PARG: variants seen among roughly 807,000 people sequenced by gnomAD.
The protein encoded by PARG is mitochondrial poly(ADP-ribose) glycohydrolase.
In PARG, 35 loss-of-function variants were observed where a neutral mutation model predicts 113.0. The observed-to-expected ratio is 0.31, with a 90% CI of 0.24 to 0.41. The LOEUF (loss-of-function observed/expected upper bound fraction) is 0.41, where lower values mean the gene tolerates loss of function less well. PARG is among the 10% of genes least tolerant of loss of function. The probability of loss-of-function intolerance (pLI) is 1.00; values close to 1 mark genes in which losing one functional copy is unlikely to be tolerated. For missense variants in PARG, 797 were observed against 1,169.4 expected (o/e 0.68, Z 4.64); for synonymous variants, 330 against 409.9 (o/e 0.81, Z 2.36).
In PARG at chr10:49,941,656, C is replaced by G; in HGVS notation, c.70G>C (p.Ala24Pro). The change falls in exon 1 of 18, where the codon GCT (alanine) becomes CCT (proline). Residue 24 changes from alanine to proline, a missense_variant. This residue lies in a region of PARG where 27 missense variants were observed against 54.3 expected (regional missense o/e 0.50). Coordinates refer to ENST00000616448, the MANE Select transcript of PARG (RefSeq NM_003631.5). ...GGAAAGCTCCGGGCGTCCGAAGCAG[C>G]CGGCGAAGTTGTAGCGGCGCCCCAG... ...PRWGAATTSP[A>P]ASDARSFPSR... is the part of the protein sequence containing the mutation. 4 of 1,597,454 alleles carry G rather than the reference C, an allele frequency of 2.5e-6. No individual in the cohort carries two copies. The South Asian group carries it at 3.4e-5, about 14-fold the overall frequency.
At chr10:49,935,017 A>T (rs1455871726) in intron 2 of PARG, 59 bp downstream of exon 2, 11,606 of 679,470 alleles carry the variant, frequency 0.017, 166 homozygotes, top group Non-Finnish European at 0.02. Context: ...ATATTAAAGC[A>T]ACAAGATAAA....
At chr10:49,829,592 A>C (rs1262895476) in intron 16 of PARG, among the ~76,000 whole-genome samples, 1 of 152,150 alleles carries the variant, frequency 6.6e-6, no homozygotes, top group Admixed American at 6.5e-5. Context: ...GTGTAATCAC[A>C]ACACCAGCCT....
intron 16 of PARG, among the ~76,000 whole-genome samples, chr10:49,825,298 C>G (rs1844297912): frequency 6.6e-6 from 1 of 152,140 alleles, no homozygotes; most frequent in Admixed American, 6.5e-5. Flanking sequence ...TAAATACACT[C>G]TCTCTTCAAG....
chr10:49,940,481 ACTCTATATATCAATTGCACT>A (rs2133017793), intron 1 of PARG, among the ~76,000 whole-genome samples: 1 of 144,760 alleles, frequency 6.9e-6, no homozygotes, highest in Admixed American at 6.9e-5. Flanking sequence ...TCTTGCGTTC[ACTCTATATATCAATTGCACT>A]CCTGTTTTTG....
intron 16 of PARG, among the ~76,000 whole-genome samples, chr10:49,828,892 T>G (rs1844508236): frequency 6.6e-6 from 1 of 152,044 alleles, no homozygotes; most frequent in African/African-American, 2.4e-5. Flanking sequence ...AACAAACAAC[T>G]AATTGTGGTA....
chr10:49,826,646 CAT>C (rs1208514692), intron 16 of PARG, among the ~76,000 whole-genome samples: 1 of 152,154 alleles, frequency 6.6e-6, no homozygotes, highest in African/African-American at 2.4e-5. Flanking sequence ...ACTTAATATA[CAT>C]ATGTCATGGA....
At chr10:49,899,524 A>C (rs1554843468) in intron 7 of PARG, among the ~76,000 whole-genome samples, 2 of 152,218 alleles carry the variant, frequency 1.3e-5, no homozygotes, top group Admixed American at 6.5e-5. Flanking sequence ...TGGCTTCAAT[A>C]AAAATGGTCT....
At chr10:49,903,668 G>T (rs1209189213) in intron 7 of PARG, among the ~76,000 whole-genome samples, 1 of 151,846 alleles carries the variant, frequency 6.6e-6, no homozygotes, top group African/African-American at 2.4e-5. Context: ...GACAAAAAAG[G>T]ATACTCAGAG....
At chr10:49,902,537 G>A (rs1848391249) in intron 7 of PARG, among the ~76,000 whole-genome samples, 1 of 152,132 alleles carries the variant, frequency 6.6e-6, no homozygotes, top group African/African-American at 2.4e-5. Context: ...CCCTTCTACT[G>A]AATTCTAGTC....
chr10:49,850,538 A>G (rs1845714215), intron 13 of PARG, among the ~76,000 whole-genome samples: 1 of 152,204 alleles, frequency 6.6e-6, no homozygotes, highest in Non-Finnish European at 1.5e-5. Context: ...AACCTGGTCT[A>G]CTTGCCTGAT....
intron 13 of PARG, among the ~76,000 whole-genome samples, chr10:49,851,417 T>C (rs1201768632): frequency 6.7e-6 from 1 of 150,172 alleles, no homozygotes; most frequent in Non-Finnish European, 1.5e-5. Flanking sequence ...CCAAACATTT[T>C]TGGAAAACTC....
At chr10:49,911,526 A>G (rs1279526364) in intron 7 of PARG, among the ~76,000 whole-genome samples, 1 of 152,216 alleles carries the variant, frequency 6.6e-6, no homozygotes, top group Non-Finnish European at 1.5e-5. Context: ...AGTGAGGAAG[A>G]CCAATATTAG....
chr10:49,885,088 C>CTCTCTCTG, intron 8 of PARG, 115 bp downstream of exon 8: 4 of 740,670 alleles, frequency 5.4e-6, no homozygotes, highest in Admixed American at 1.9e-5. Flanking sequence ...CTCTCTCTCT[C>CTCTCTCTG]TCTCTCTGTC....
chr10:49,892,638 T>A (rs1442207440), intron 7 of PARG, among the ~76,000 whole-genome samples: 1 of 152,194 alleles, frequency 6.6e-6, no homozygotes, highest in African/African-American at 2.4e-5. Flanking sequence ...AATACCCAAA[T>A]ACTATTTGGT....
chr10:49,865,208 T>C (rs1846439703), intron 11 of PARG, 113 bp downstream of exon 11: 1 of 653,118 alleles, frequency 1.5e-6, no homozygotes, highest in South Asian at 1.6e-5. Context: ...GGCACTAGGA[T>C]AAATAGAGGT....
intron 12 of PARG, among the ~76,000 whole-genome samples, chr10:49,860,804 T>C (rs1375944260): frequency 6.6e-6 from 1 of 151,200 alleles, no homozygotes; most frequent in Non-Finnish European, 1.5e-5. Flanking sequence ...AATGAGATGG[T>C]ATACAAGCTT....
intron 7 of PARG, among the ~76,000 whole-genome samples, chr10:49,891,071 T>C (rs1847752417): frequency 6.6e-6 from 1 of 152,240 alleles, no homozygotes; most frequent in Admixed American, 6.5e-5. Context: ...TCCCAGCACT[T>C]TGGGAGGCCA....
intron 16 of PARG, among the ~76,000 whole-genome samples, 165 bp from the exon 17 acceptor site, chr10:49,820,458 A>C (rs1844015332): frequency 6.6e-6 from 1 of 152,110 alleles, no homozygotes; most frequent in South Asian, 2.1e-4. Context: ...GCGGTGCCTC[A>C]CACCTGTAAT....
At chr10:49,859,176 T>C (rs138529263) in intron 12 of PARG, among the ~76,000 whole-genome samples, 118 of 144,572 alleles carry the variant, frequency 8.2e-4, no homozygotes, top group Non-Finnish European at 1.2e-3. Context: ...TGTAAATCAC[T>C]ATATGAGGGG....
Sources: gnomAD v4.1 joint callset for allele counts (sites outside exome capture counted in the v4.1 genomes callset) on GRCh38, gnomAD v4.1.1 for gene constraint, gnomAD v4.1.1 regional missense constraint, MANE v1.5 for transcripts, NCBI Gene and HGNC (gene_info 2026-07-23, HGNC 2026-07-21) for gene names.